Variants in RNF17 observed in about 807,000 individuals in gnomAD.
The protein encoded by RNF17 is spermatogenesis associated 23.
In RNF17, 31 loss-of-function variants were observed where a neutral mutation model predicts 200.5. That is an observed-to-expected ratio of 0.15 (90% CI 0.12 to 0.21). The LOEUF is 0.21. Ranked by LOEUF, RNF17 falls within the 10% of genes least tolerant of loss-of-function variation. The probability of loss-of-function intolerance (pLI) is 1.00; values close to 1 mark genes in which losing one functional copy is unlikely to be tolerated. For synonymous variants in RNF17, 606 were observed against 637.8 expected (o/e 0.95, Z 0.75); for missense variants, 1,628 against 1,905.1 (o/e 0.85, Z 2.71).
At chr13:24,861,116 C>CA (rs1893052962) in intron 26 of RNF17, 152 bp from the exon 27 acceptor site, 7 of 550,470 alleles carry the variant, frequency 1.3e-5, no homozygotes, top group Non-Finnish European at 2.1e-5. Flanking sequence ...TGGGCTCAAA[C>CA]AATCCACCCA....
intron 1 of RNF17, 106 bp downstream of exon 1, chr13:24,764,439 G>A: frequency 1.4e-6 from 2 of 1,410,694 alleles, no homozygotes; most frequent in East Asian, 5.1e-5. Flanking sequence ...ATCCAATCCT[G>A]GTGTCACCAG....
chr13:24,812,587 A>G (rs1368554788), intron 15 of RNF17, among the ~76,000 whole-genome samples: 2 of 151,798 alleles, frequency 1.3e-5, no homozygotes, highest in East Asian at 3.9e-4. Flanking sequence ...ATGGAAATGC[A>G]GAAATCACCT....
At position 24,832,749 on chromosome 13, in the gene RNF17, T is replaced by A. The variant is rs536019549; in HGVS notation, c.2482+771T>A. Reference sequence around the variant, plus strand: ...GGGGGATTGGGAATCTGGTTTGGTTTTTTTGTTTTTTGAGACAGGGTTTCA... The same window carrying A: ...GGGGGATTGGGAATCTGGTTTGGTTATTTTGTTTTTTGAGACAGGGTTTCA... On this transcript the variant is annotated intron_variant, in intron 18 of 35. Coordinates refer to ENST00000255324, the MANE Select transcript of RNF17 (RefSeq NM_031277.3). Among the ~76,000 whole-genome samples, 25 of 152,120 alleles carry A rather than the reference T, an allele frequency of 1.6e-4. No individual in the cohort carries two copies. In the South Asian group the frequency reaches 5.0e-3, roughly 30 times the overall value.
At chr13:24,765,949 C>T (rs1442308615) in intron 1 of RNF17, among the ~76,000 whole-genome samples, 1 of 152,166 alleles carries the variant, frequency 6.6e-6, no homozygotes, top group South Asian at 2.1e-4. Context: ...AATGCAAGGC[C>T]GGGCACAGTG....
intron 2 of RNF17, among the ~76,000 whole-genome samples, chr13:24,769,986 G>A (rs1314251313): frequency 1.3e-5 from 2 of 152,076 alleles, no homozygotes; most frequent in Non-Finnish European, 1.5e-5. Context: ...TTCAACGATA[G>A]GATTATACCT....
chr13:24,843,947 T>G lies in RNF17; in HGVS notation c.2807T>G (p.Leu936Trp). ...CCTGAGAAGATTTATGTTCAGTGGTTGTTAACTGAAAACTTACTTAATAGG... is the reference window on the plus strand; with the variant it reads ...CCTGAGAAGATTTATGTTCAGTGGTGGTTAACTGAAAACTTACTTAATAGG... Reference protein sequence around the residue: ...ISPEKIYVQWLLTENLLNSLE... With the variant: ...ISPEKIYVQWWLTENLLNSLE... Residue 936 changes from leucine to tryptophan, a missense_variant, in exon 20 of 36, where the codon TTG becomes TGG. Around this residue, in one of 5 missense-constraint regions of RNF17, gnomAD observed 227 missense variants for 319.8 expected, o/e 0.71. Transcript: ENST00000255324. The G allele has an allele frequency of 1.3e-6, 2 of 1,487,476 alleles. No individual in the cohort carries two copies. Among genetic ancestry groups the G allele is most frequent in the Non-Finnish European group, 1.8e-6 (2 of 1,096,772 alleles). 92.1% of individuals were successfully genotyped at this position (1,487,476 alleles called of 1,614,324 possible).
chr13:24,779,196 A>G (rs1882013216), intron 4 of RNF17, among the ~76,000 whole-genome samples: 1 of 151,636 alleles, frequency 6.6e-6, no homozygotes, highest in Admixed American at 6.6e-5. Flanking sequence ...CTCTGTCTCA[A>G]AAAAAAAATA....
intron 18 of RNF17, among the ~76,000 whole-genome samples, chr13:24,837,216 A>G (rs760302841): frequency 1.3e-4 from 20 of 152,184 alleles, no homozygotes; most frequent in Non-Finnish European, 2.1e-4. Context: ...AGAGCTCCCA[A>G]ATTTATAAAA....
At chr13:24,766,449 C>T (rs748163219) in intron 1 of RNF17, among the ~76,000 whole-genome samples, 15 of 152,178 alleles carry the variant, frequency 9.9e-5, no homozygotes, top group Non-Finnish European at 1.3e-4. Context: ...AATCAAGTTA[C>T]GATATTTCCT....
At chr13:24,821,315 G>T (rs1300948328) in intron 15 of RNF17, among the ~76,000 whole-genome samples, 3 of 152,082 alleles carry the variant, frequency 2.0e-5, no homozygotes, top group Admixed American at 2.0e-4. Context: ...AGATACTGGA[G>T]ATTATAGCTC....
At chr13:24,868,975 T>TA (rs1320435227) in intron 31 of RNF17, among the ~76,000 whole-genome samples, 3 of 152,242 alleles carry the variant, frequency 2.0e-5, no homozygotes, top group Non-Finnish European at 4.4e-5. Flanking sequence ...TTTAGATTTT[T>TA]AAGGTGGAAC....
chr13:24,748,843 G>A, the RNF17 span, among the ~76,000 whole-genome samples: 20 of 151,730 alleles, frequency 1.3e-4, no homozygotes, highest in Admixed American at 8.5e-4. Flanking sequence ...TCCGCCTCCC[G>A]GGTCCAAGCG....
chr13:24,793,652 G>A (rs752463120), intron 10 of RNF17, among the ~76,000 whole-genome samples: 2 of 152,080 alleles, frequency 1.3e-5, no homozygotes, highest in Non-Finnish European at 2.9e-5. Flanking sequence ...TATAAATAGA[G>A]AGATGTGATT....
intron 22 of RNF17, among the ~76,000 whole-genome samples, chr13:24,850,052 T>G (rs1460302414): frequency 6.6e-6 from 1 of 152,162 alleles, no homozygotes; most frequent in African/African-American, 2.4e-5. Context: ...TAAAAAGTAT[T>G]TAAAATATAC....
chr13:24,881,833 T>G (rs199940931), downstream of RNF17, among the ~76,000 whole-genome samples: 2 of 93,782 alleles, frequency 2.1e-5, no homozygotes, highest in African/African-American at 7.7e-5. Flanking sequence ...GATACATCTA[T>G]ATAGATATAT....
downstream of RNF17, among the ~76,000 whole-genome samples, chr13:24,882,009 T>C (rs866026121): frequency 1.6e-5 from 1 of 61,814 alleles, no homozygotes; most frequent in African/African-American, 6.1e-5. Context: ...TATATAGATA[T>C]ATAGATACAT....
chr13:24,822,182 T>C (rs1174800468), intron 15 of RNF17, among the ~76,000 whole-genome samples: 1 of 152,134 alleles, frequency 6.6e-6, no homozygotes, highest in African/African-American at 2.4e-5. Flanking sequence ...GGCTTTCTAC[T>C]TGACTGGCAC....
At chr13:24,883,213 G>T (rs754283195), downstream of RNF17, 1 of 1,614,006 alleles carries the variant, frequency 6.2e-7, no homozygotes, top group Admixed American at 1.7e-5. Flanking sequence ...TACCCTCCTT[G>T]TCCTTAACTC....
intron 18 of RNF17, among the ~76,000 whole-genome samples, chr13:24,837,872 C>T (rs1194666197): frequency 2.6e-5 from 4 of 151,922 alleles, no homozygotes; most frequent in Admixed American, 2.6e-4. Context: ...ACAAAAAATA[C>T]AAAAGATAAA....
Sources: gnomAD v4.1 joint callset for allele counts (sites outside exome capture counted in the v4.1 genomes callset) on GRCh38, gnomAD v4.1.1 for gene constraint, gnomAD v4.1.1 regional missense constraint, MANE v1.5 for transcripts, NCBI Gene and HGNC (gene_info 2026-07-23, HGNC 2026-07-21) for gene names.